The following NHSL3 variants were observed in gnomAD, a reference collection of about 807,000 sequenced individuals.
NHSL3 encodes NHS like 3.
chr1:32,748,445 G>A, the NHSL3 span, among the ~76,000 whole-genome samples: 93 of 152,286 alleles, frequency 6.1e-4, no homozygotes, highest in African/African-American at 2.1e-3. Context: ...GATGGTGTCT[G>A]TTTGCCCGTC....
At chr1:32,747,181 T>C in the NHSL3 span, among the ~76,000 whole-genome samples, 4 of 150,940 alleles carry the variant, frequency 2.7e-5, no homozygotes, top group African/African-American at 7.4e-5. Flanking sequence ...AGATGGTTTT[T>C]TTTTTGTTTT....
the NHSL3 span, chr1:32,770,517 G>T: frequency 6.4e-7 from 1 of 1,554,104 alleles, no homozygotes; most frequent in Non-Finnish European, 8.7e-7. This position sits in a 1 kb window ranked among gnomAD's most constrained non-coding sequence, Gnocchi z 8.3. Flanking sequence ...AGAGCTCTAC[G>T]GCTAGCAATA....
chr1:32,757,614 A>G, the NHSL3 span, among the ~76,000 whole-genome samples: 1 of 152,162 alleles, frequency 6.6e-6, no homozygotes, highest in African/African-American at 2.4e-5. Context: ...AGAGATAAAA[A>G]TAAGTCCCTA....
the NHSL3 span, chr1:32,765,799 G>C: frequency 1.9e-6 from 3 of 1,547,740 alleles, no homozygotes. Context: ...GCCGCCTCCC[G>C]GCGCTCCTAG....
chr1:32,767,986 C>A, the NHSL3 span: 1 of 1,611,704 alleles, frequency 6.2e-7, no homozygotes, highest in Non-Finnish European at 8.5e-7. Context: ...CCCCTCCCCT[C>A]TCCTCCCTCC....
At chr1:32,743,389 T>A in the NHSL3 span, among the ~76,000 whole-genome samples, 1 of 152,112 alleles carries the variant, frequency 6.6e-6, no homozygotes, top group African/African-American at 2.4e-5. Context: ...AGGGCCCTGC[T>A]TCCCTGCGGC....
chr1:32,744,536 C>A, the NHSL3 span, among the ~76,000 whole-genome samples: 2 of 152,172 alleles, frequency 1.3e-5, no homozygotes, highest in Non-Finnish European at 2.9e-5. Flanking sequence ...CATAGAGCAG[C>A]AGGTAAGGCT....
chr1:32,747,637 A>T, the NHSL3 span, among the ~76,000 whole-genome samples: 1 of 152,074 alleles, frequency 6.6e-6, no homozygotes, highest in Non-Finnish European at 1.5e-5. Context: ...CAGATAAGAC[A>T]CTGAGACCCA....
At chr1:32,772,043 C>T in the NHSL3 span, 35 of 1,605,160 alleles carry the variant, frequency 2.2e-5, no homozygotes, top group Admixed American at 5.0e-5. Context: ...CCCAACGGAC[C>T]GCCTGAGGCA....
the NHSL3 span, chr1:32,772,507 G>A: frequency 2.1e-4 from 312 of 1,496,878 alleles, no homozygotes; most frequent in Admixed American, 4.0e-4. Flanking sequence ...CTGAAGTCCC[G>A]CCATGGGGGA....
chr1:32,762,629 C>T, the NHSL3 span, among the ~76,000 whole-genome samples: 1 of 151,862 alleles, frequency 6.6e-6, no homozygotes, highest in Admixed American at 6.6e-5. Context: ...TGCTCTCTTG[C>T]CCAGGCTGGA....
the NHSL3 span, chr1:32,772,967 G>C: frequency 7.2e-7 from 1 of 1,394,446 alleles, no homozygotes; most frequent in Non-Finnish European, 1.0e-6. Context: ...AGGACGAGAG[G>C]ATACAGCAGA....
the NHSL3 span, among the ~76,000 whole-genome samples, chr1:32,756,981 A>AT: frequency 1.3e-5 from 2 of 152,182 alleles, no homozygotes; most frequent in Non-Finnish European, 2.9e-5. Context: ...AAAACAAAAA[A>AT]CAAATGGAGT....
chr1:32,761,954 C>A, the NHSL3 span, among the ~76,000 whole-genome samples: 7 of 152,106 alleles, frequency 4.6e-5, no homozygotes, highest in Non-Finnish European at 5.9e-5. Context: ...GTGCACAGAA[C>A]GTGGCTTTTG....
chr1:32,766,394 C>T, the NHSL3 span, among the ~76,000 whole-genome samples: 1 of 152,074 alleles, frequency 6.6e-6, no homozygotes, highest in Non-Finnish European at 1.5e-5. Flanking sequence ...GAGTGTGATC[C>T]GGGAGTCCCC....
the NHSL3 span, among the ~76,000 whole-genome samples, chr1:32,769,295 G>GAA: frequency 6.6e-6 from 1 of 152,106 alleles, no homozygotes; most frequent in Non-Finnish European, 1.5e-5. Context: ...TTAACTGTTG[G>GAA]AAGCCTGGTG....
chr1:32,748,904 A>G, the NHSL3 span, among the ~76,000 whole-genome samples: 1 of 152,122 alleles, frequency 6.6e-6, no homozygotes, highest in Non-Finnish European at 1.5e-5. Flanking sequence ...CCCCTGTGAG[A>G]GGATAGACAT....
At chr1:32,764,842 G>A in the NHSL3 span, among the ~76,000 whole-genome samples, 3 of 152,224 alleles carry the variant, frequency 2.0e-5, no homozygotes, top group East Asian at 3.9e-4. Context: ...TTTGAACCTC[G>A]ACCTGACTTC....
the NHSL3 span, among the ~76,000 whole-genome samples, chr1:32,752,316 C>T: frequency 2.6e-5 from 4 of 152,094 alleles, no homozygotes; most frequent in East Asian, 1.9e-4. Context: ...CTGGAGCCAT[C>T]GGGCATAAGA....
Sources: allele counts gnomAD v4.1 joint callset (sites outside exome capture counted in the v4.1 genomes callset), GRCh38; gene constraint gnomAD v4.1.1; non-coding constraint Gnocchi (gnomAD v3.1); transcripts MANE v1.5; gene names NCBI Gene and HGNC (gene_info 2026-07-23, HGNC 2026-07-21).